The following RAD54B variants were observed in gnomAD, a reference collection of about 807,000 sequenced individuals.
RAD54B encodes the protein DNA repair and recombination protein RAD54B.
A neutral mutation model predicts 95.8 loss-of-function variants in RAD54B; 78 were observed. That is an observed-to-expected ratio of 0.81 (90% confidence interval 0.68 to 0.98). The LOEUF is 0.98. Ranked by LOEUF, RAD54B falls within the 50% of genes least tolerant of loss-of-function variation. RAD54B has a pLI of 0.00. For missense variants in RAD54B, 957 were observed against 1,056.6 expected, an observed-to-expected ratio of 0.91 and a Z score of 1.31; for synonymous variants, 328 against 354.9, an observed-to-expected ratio of 0.92 and a Z score of 0.85.
intron 1 of RAD54B, among the ~76,000 whole-genome samples, chr8:94,474,585 CTAA>C (rs879633254): frequency 0.032 from 4,806 of 152,248 alleles, 120 homozygotes; most frequent in Non-Finnish European, 0.048. Flanking sequence ...GTAAAAGCCC[CTAA>C]AGAAGGCGTA....
At chr8:94,394,269 G>A (rs1437449444) in intron 8 of RAD54B, among the ~76,000 whole-genome samples, 3 of 152,138 alleles carry the variant, frequency 2.0e-5, no homozygotes, top group African/African-American at 7.2e-5. Context: ...CTAGGGTTGT[G>A]AGGATCAAAG....
intron 3 of RAD54B, chr8:94,432,789 T>C: frequency 8.6e-7 from 1 of 1,167,844 alleles, no homozygotes. Context: ...TAAAAAAAAA[T>C]CTTAAACACT....
chr8:94,436,472 T>A, intron 3 of RAD54B: 1 of 1,511,472 alleles, frequency 6.6e-7, no homozygotes, highest in Non-Finnish European at 8.8e-7. Flanking sequence ...TAATTTTCCA[T>A]AACAAAACAA....
chr8:94,383,779 C>T (rs938170427), intron 11 of RAD54B, among the ~76,000 whole-genome samples: 3 of 151,990 alleles, frequency 2.0e-5, no homozygotes, highest in African/African-American at 2.4e-5. Flanking sequence ...AAAAGGTGCT[C>T]GATATCACTA....
intron 4 of RAD54B, among the ~76,000 whole-genome samples, chr8:94,408,719 C>A (rs1207692070): frequency 1.3e-5 from 2 of 151,704 alleles, no homozygotes; most frequent in African/African-American, 4.9e-5. Context: ...GTCAAAGACC[C>A]ATCACTCCAT....
chr8:94,408,603 T>G (rs776598190), intron 4 of RAD54B, among the ~76,000 whole-genome samples: 1 of 152,164 alleles, frequency 6.6e-6, no homozygotes, highest in Non-Finnish European at 1.5e-5. Flanking sequence ...GGCCTAAAAT[T>G]TATAATCTGT....
chr8:94,387,738 T>C (rs1226932648), intron 10 of RAD54B, among the ~76,000 whole-genome samples: 4 of 152,194 alleles, frequency 2.6e-5, no homozygotes, highest in East Asian at 1.9e-4. Context: ...ATTTCACCAA[T>C]AGTTGTAGAA....
At chr8:94,403,889 C>T (rs1169306285) in intron 6 of RAD54B, among the ~76,000 whole-genome samples, 188 bp downstream of exon 6, 2 of 152,040 alleles carry the variant, frequency 1.3e-5, no homozygotes, top group Admixed American at 6.6e-5. Context: ...ATGTTTGGCA[C>T]GTGGCATCTA....
chr8:94,421,992 C>T (rs1563650435), intron 3 of RAD54B, among the ~76,000 whole-genome samples: 1 of 152,194 alleles, frequency 6.6e-6, no homozygotes, highest in African/African-American at 2.4e-5. Context: ...TATGCTATTT[C>T]CAGCTATAGA....
intron 3 of RAD54B, among the ~76,000 whole-genome samples, chr8:94,440,030 G>GGCA (rs1812363561): frequency 6.6e-6 from 1 of 152,158 alleles, no homozygotes; most frequent in Non-Finnish European, 1.5e-5. Flanking sequence ...TTCAAGATAT[G>GGCA]GCAGAGAAAC....
At chr8:94,375,167 T>G (rs1326999885) in intron 14 of RAD54B, among the ~76,000 whole-genome samples, 1 of 152,174 alleles carries the variant, frequency 6.6e-6, no homozygotes, top group African/African-American at 2.4e-5. Flanking sequence ...TCAGCAATAC[T>G]AAAAATTTAC....
intron 10 of RAD54B, among the ~76,000 whole-genome samples, chr8:94,388,627 A>G (rs1435115190): frequency 6.6e-6 from 1 of 152,226 alleles, no homozygotes; most frequent in African/African-American, 2.4e-5. Flanking sequence ...GTAATACTAG[A>G]AACACTTTAA....
At chr8:94,456,853 A>G (rs1375850170) in intron 3 of RAD54B, among the ~76,000 whole-genome samples, 1 of 152,162 alleles carries the variant, frequency 6.6e-6, no homozygotes, top group Non-Finnish European at 1.5e-5. Context: ...TTTTTCCCCA[A>G]TTTAACCTCT....
At chr8:94,419,747 CAAAAAAAA>C (rs36042247) in intron 3 of RAD54B, among the ~76,000 whole-genome samples, 13 of 70,314 alleles carry the variant, frequency 1.8e-4, no homozygotes, top group African/African-American at 7.3e-4. Context: ...TGGCCCCCAC[CAAAAAAAA>C]AAAAAAAAAA....
intron 3 of RAD54B, among the ~76,000 whole-genome samples, chr8:94,413,762 C>T (rs1811583641): frequency 1.3e-5 from 2 of 151,642 alleles, no homozygotes; most frequent in African/African-American, 4.8e-5. Flanking sequence ...AGGGAAGCCA[C>T]TGGCTGGGGT....
At chr8:94,384,252 T>A (rs551242390) in intron 11 of RAD54B, among the ~76,000 whole-genome samples, 1 of 152,288 alleles carries the variant, frequency 6.6e-6, no homozygotes, top group East Asian at 1.9e-4. Context: ...AACCCAAGTG[T>A]TCAGCAATAG....
At chr8:94,430,308 C>T (rs1324783615) in intron 3 of RAD54B, 1 of 844,358 alleles carries the variant, frequency 1.2e-6, no homozygotes, top group African/African-American at 2.3e-5. Context: ...AAGACTCCAT[C>T]TCAAAAAAAA....
intron 3 of RAD54B, among the ~76,000 whole-genome samples, chr8:94,433,418 G>T (rs1812168523): frequency 6.6e-6 from 1 of 151,676 alleles, no homozygotes; most frequent in Non-Finnish European, 1.5e-5. Flanking sequence ...AACCTAGTAG[G>T]TGCTCATTAT....
intron 4 of RAD54B, among the ~76,000 whole-genome samples, chr8:94,410,627 A>T (rs572300863): frequency 3.9e-5 from 6 of 152,282 alleles, no homozygotes; most frequent in Non-Finnish European, 7.4e-5. Flanking sequence ...AACATTTTGT[A>T]ACAGAAACAA....
Sources: gnomAD v4.1 joint callset for allele counts (sites outside exome capture counted in the v4.1 genomes callset) on GRCh38, gnomAD v4.1.1 for gene constraint, MANE v1.5 for transcripts, NCBI Gene and HGNC (gene_info 2026-07-23, HGNC 2026-07-21) for gene names.